The following ARMC8 variants were observed in gnomAD, a reference collection of about 807,000 sequenced individuals.
The protein encoded by ARMC8 is armadillo repeat-containing protein 8.
In ARMC8, 20 loss-of-function variants were observed where a neutral mutation model predicts 99.3. The ratio of observed to expected loss-of-function variants is 0.20; its 90% confidence interval spans 0.14 to 0.29. The LOEUF (loss-of-function observed/expected upper bound fraction) is 0.29, where lower values mean the gene tolerates loss of function less well. Ranked by LOEUF, ARMC8 falls within the 10% of genes least tolerant of loss-of-function variation. The pLI, the probability that ARMC8 is intolerant of heterozygous loss-of-function variation, is 1.00. For synonymous variants in ARMC8, 263 were observed against 278.3 expected (o/e 0.95, Z 0.55); for missense variants, 569 against 809.5 (o/e 0.70, Z 3.60).
chr3:138,245,342 T>TG (rs2046833219), intron 12 of ARMC8, 159 bp downstream of exon 12: 2 of 1,490,404 alleles, frequency 1.3e-6, no homozygotes, highest in African/African-American at 2.8e-5. Context: ...GACCCGGATT[T>TG]GGGGGGTTGT....
chr3:138,200,676 C>T (rs373217788), intron 1 of ARMC8, among the ~76,000 whole-genome samples: 1 of 152,070 alleles, frequency 6.6e-6, no homozygotes, highest in African/African-American at 2.4e-5. Context: ...ATGGGGCTTT[C>T]TGAGTGATGT....
intron 12 of ARMC8, chr3:138,262,477 T>C: frequency 6.4e-7 from 1 of 1,561,612 alleles, no homozygotes; most frequent in Non-Finnish European, 8.7e-7. Flanking sequence ...CTTGTTTGGC[T>C]GAAACATCCT....
Position 138,267,258 on chromosome 3 carries a change from T to G in ARMC8, c.1386+17T>G. 4 of 1,488,150 alleles carry G rather than the reference T, an allele frequency of 2.7e-6. No homozygotes were observed. The highest frequency in any genetic ancestry group is 3.7e-6 in the Non-Finnish European group (4 of 1,093,294). 92.2% of individuals were successfully genotyped at this position (1,488,150 alleles called of 1,614,324 possible). On this transcript the variant is annotated intron_variant, in intron 15 of 21. Coordinates refer to ENST00000469044, the MANE Select transcript of ARMC8 (RefSeq NM_001363941.2). ...AGCAAAGAGGTTAGTATTGATTTTC[T>G]TTTCCTAGACTTTGCCCAGTCCAGC...
intron 6 of ARMC8, among the ~76,000 whole-genome samples, chr3:138,234,035 GA>G (rs200062292): frequency 5.3e-5 from 8 of 150,900 alleles, no homozygotes; most frequent in East Asian, 1.9e-4. Flanking sequence ...CAGAATTGAT[GA>G]AAAAAAACCC....
intron 6 of ARMC8, among the ~76,000 whole-genome samples, chr3:138,232,588 A>G (rs571387154): frequency 9.2e-5 from 14 of 152,360 alleles, no homozygotes; most frequent in African/African-American, 2.6e-4. Context: ...GTGTCTAACT[A>G]TAGGGTACTA....
rs2043123088 is a variant in ARMC8, at chr3:138,187,421, G to A, written c.-134G>A. On this transcript the variant is annotated 5_prime_UTR_variant, in exon 1 of 22. It adds an upstream start codon to the 5' untranslated region. Transcript: ENST00000469044. ...TGCGGGCCTTTCCGGTACTTGAGCG[G>A]TGTCCAGAGCGTGGCCAGTTCTCGT... is the stretch of plus-strand genomic sequence containing the variant. 1 of 820,340 alleles carries A rather than the reference G, an allele frequency of 1.2e-6. No homozygotes were observed. The highest frequency in any genetic ancestry group is 1.9e-6 in the Non-Finnish European group (1 of 518,820). The allele number at this position is 820,340 out of a possible 1,614,324, so 50.8% of individuals were successfully genotyped here. A position where few individuals can be genotyped will look rare whatever the true frequency, so the allele number is the denominator to read the frequency against.
intron 12 of ARMC8, among the ~76,000 whole-genome samples, chr3:138,250,459 G>A (rs2047072029): frequency 6.6e-6 from 1 of 152,128 alleles, no homozygotes; most frequent in Non-Finnish European, 1.5e-5. Context: ...AAGAAGTTAT[G>A]TTTTAGAAAC....
In ARMC8 at chr3:138,187,471, G is replaced by T; in HGVS notation, c.-84G>T. On this transcript the variant is annotated 5_prime_UTR_variant, in exon 1 of 22. Transcript: ENST00000469044. ...TCTATCTGGCTGCCTTTAGGGAGCG[G>T]TGCCTAGCGTTGGCCAATAGTTGGC... 7.0e-7 allele frequency: 1 copy of T among 1,418,736 alleles called. No individual in the cohort carries two copies. Among genetic ancestry groups the T allele is most frequent in the East Asian group, 2.5e-5 (1 of 40,254 alleles). 87.9% of individuals were successfully genotyped at this position (1,418,736 alleles called of 1,614,324 possible). A position where few individuals can be genotyped will look rare whatever the true frequency, so the allele number is the denominator to read the frequency against.
intron 5 of ARMC8, among the ~76,000 whole-genome samples, chr3:138,225,279 T>C (rs564734536): frequency 2.9e-4 from 44 of 152,144 alleles, no homozygotes; most frequent in Admixed American, 7.9e-4. Flanking sequence ...CCCAGCTGAT[T>C]TTTGTGGTTT....
At chr3:138,199,429 A>G (rs575076521) in intron 1 of ARMC8, among the ~76,000 whole-genome samples, 2 of 152,216 alleles carry the variant, frequency 1.3e-5, no homozygotes, top group Non-Finnish European at 2.9e-5. Flanking sequence ...TAAGAAGGAC[A>G]TGATAGCTGT....
chr3:138,242,922 C>A (rs1472023036), intron 11 of ARMC8, among the ~76,000 whole-genome samples: 4 of 152,214 alleles, frequency 2.6e-5, no homozygotes, highest in Admixed American at 2.6e-4. Flanking sequence ...GTACTCTACT[C>A]TCTGGGTATT....
At chr3:138,272,898 TTACTATTAAAATATAATTTAA>T in intron 16 of ARMC8, 48 bp from the exon 17 acceptor site, 1 of 1,254,748 alleles carries the variant, frequency 8.0e-7, no homozygotes, top group Non-Finnish European at 1.0e-6. Context: ...ATTACCAGAG[TTACTATTAAAATATAATTTAA>T]TAAAGTAAAT....
At chr3:138,252,452 C>CT (rs1169244202) in intron 12 of ARMC8, among the ~76,000 whole-genome samples, 6,881 of 129,140 alleles carry the variant, frequency 0.053, 408 homozygotes, top group African/African-American at 0.13. Context: ...ACCATAAACT[C>CT]TTTTTTTTTT....
chr3:138,232,798 A>G (rs544223339), intron 6 of ARMC8, among the ~76,000 whole-genome samples: 12 of 152,334 alleles, frequency 7.9e-5, no homozygotes, highest in Non-Finnish European at 1.5e-5. Context: ...GTCTTGAAAC[A>G]TATAATCTAT....
Position 138,286,765 on chromosome 3 carries a change from C to G in ARMC8, c.1821+2239C>G, listed in dbSNP as rs891640944. ...TGCCTTAGGAGAATCTCATCCACCC[C>G]CATAGCTTATACTATCATCACTGTG... On this transcript the variant is annotated intron_variant, in intron 19 of 21. Coordinates refer to ENST00000469044, the MANE Select transcript of ARMC8 (RefSeq NM_001363941.2). Among the ~76,000 whole-genome samples, 3 of 152,168 alleles carry G rather than the reference C, an allele frequency of 2.0e-5. No individual in the cohort carries two copies. In the South Asian group the frequency reaches 6.2e-4, roughly 32 times the overall value.
chr3:138,237,622 T>TA, intron 9 of ARMC8, 50 bp downstream of exon 9: 1 of 1,492,880 alleles, frequency 6.7e-7, no homozygotes, highest in Non-Finnish European at 9.2e-7. Context: ...ATCAATATCT[T>TA]AGAGTATTTT....
rs2047626951 is a variant in ARMC8, at chr3:138,260,188, C to A, written c.1135-3551C>A. On this transcript the variant is annotated intron_variant, in intron 12 of 21. Transcript: ENST00000469044. ...TGCGCTGTTTGCTTTTCCTTGCCTT[C>A]TCCTTTAGCACTCTAAGTAGACCTG... Among the ~76,000 whole-genome samples the A allele has an allele frequency of 2.6e-5, 4 of 152,326 alleles. No homozygotes were observed. The South Asian group carries it at 8.3e-4, about 32-fold the overall frequency.
chr3:138,216,140 GACT>G (rs1260640403), intron 2 of ARMC8, among the ~76,000 whole-genome samples: 4 of 151,254 alleles, frequency 2.6e-5, no homozygotes, highest in African/African-American at 4.9e-5. Flanking sequence ...GCCCGCCTCG[GACT>G]TCCAAAGTGC....
In ARMC8 at chr3:138,279,673, C is replaced by T. The variant is rs537512100; in HGVS notation, c.1726-4758C>T. On this transcript the variant is annotated intron_variant, in intron 18 of 21. Coordinates refer to ENST00000469044, the MANE Select transcript of ARMC8 (RefSeq NM_001363941.2). Reference sequence around the variant, plus strand: ...AGTTGGAATCATCTGGATACGATGACCGTTTTGTGGAAAGGTGTTTAACTA... The same window carrying T: ...AGTTGGAATCATCTGGATACGATGATCGTTTTGTGGAAAGGTGTTTAACTA... Among the ~76,000 whole-genome samples, 3 of 152,192 alleles carry T rather than the reference C, an allele frequency of 2.0e-5. No individual in the cohort carries two copies. In the South Asian group the frequency reaches 6.2e-4, roughly 32 times the overall value.
Sources: gnomAD v4.1 joint callset for allele counts (sites outside exome capture counted in the v4.1 genomes callset) on GRCh38, gnomAD v4.1.1 for gene constraint, MANE v1.5 for transcripts, NCBI Gene and HGNC (gene_info 2026-07-23, HGNC 2026-07-21) for gene names.